Variants in SLC25A28 observed in about 807,000 individuals in gnomAD.
SLC25A28 encodes solute carrier family 25 member 28.
In SLC25A28, 10 loss-of-function variants were observed where a neutral mutation model predicts 31.9. The ratio of observed to expected loss-of-function variants is 0.31; its 90% CI spans 0.19 to 0.53. The LOEUF is 0.53. SLC25A28 is among the 20% of genes least tolerant of loss of function. The pLI, the probability that SLC25A28 is intolerant of heterozygous loss-of-function variation, is 0.95. For synonymous variants in SLC25A28, 208 were observed against 203.6 expected, an observed-to-expected ratio of 1.02 and a Z score of -0.19; for missense variants, 256 against 490.3, an observed-to-expected ratio of 0.52 and a Z score of 4.51.
At chr10:99,618,654 T>G in intron 1 of SLC25A28, 2 of 985,468 alleles carry the variant, frequency 2.0e-6, no homozygotes, top group Non-Finnish European at 2.4e-6. Context: ...AACATTCTAA[T>G]GTCCATTTTA....
At chr10:99,625,313 C>A (rs556443858), upstream of SLC25A28, among the ~76,000 whole-genome samples, 5 of 152,070 alleles carry the variant, frequency 3.3e-5, no homozygotes, top group Admixed American at 3.3e-4. Context: ...CTTATTTGGC[C>A]CTGTTCCCCC....
At chr10:99,616,893 G>GT (rs2034668820) in intron 1 of SLC25A28, 1 of 932,344 alleles carries the variant, frequency 1.1e-6, no homozygotes, top group African/African-American at 1.8e-5. Context: ...ATGAATAAAT[G>GT]TATGTAAGGT....
chr10:99,616,117 A>G, intron 1 of SLC25A28: 1 of 985,446 alleles, frequency 1.0e-6, no homozygotes, highest in Non-Finnish European at 1.2e-6. Context: ...GAAAGATGAA[A>G]TATCTAAGTA....
intron 1 of SLC25A28, chr10:99,615,960 C>G: frequency 1.0e-6 from 1 of 985,392 alleles, no homozygotes; most frequent in Non-Finnish European, 1.2e-6. Context: ...CTACTTTGAA[C>G]ATTCTATATA....
Position 99,613,921 on chromosome 10 carries a change from G to C in SLC25A28, c.295C>G (p.Arg99Gly). The C allele has an allele frequency of 6.3e-7, 1 of 1,598,796 alleles. No homozygotes were observed. The highest frequency in any genetic ancestry group is 1.1e-5 in the South Asian group (1 of 89,754). ...VMYPIDCVKT[R>G]MQSLQPDPAA... ...GGGTCAGGCTGTAGACTCTGCATCC[G>C]GGTCTGAAATTACAGCAAGGAGAAG... The change falls in exon 2 of 4, where the codon CGG becomes GGG. Residue 99 changes from arginine to glycine, a missense_variant. Around this residue, in one of 4 missense-constraint regions of SLC25A28, gnomAD observed 158 missense variants for 379.1 expected, o/e 0.42. Coordinates refer to ENST00000370495, the MANE Select transcript of SLC25A28 (RefSeq NM_031212.4). This position sits in a 1 kb window ranked among gnomAD's most constrained non-coding sequence, Gnocchi z 4.9.
At chr10:99,650,584 G>A in the SLC25A28 span, among the ~76,000 whole-genome samples, 40 of 152,070 alleles carry the variant, frequency 2.6e-4, no homozygotes, top group Admixed American at 9.2e-4. Flanking sequence ...GGTAGGGCAC[G>A]TTCCAGGCAA....
In SLC25A28 at chr10:99,611,484, T is replaced by G; in HGVS notation, c.578-118A>C. 7.8e-7 allele frequency: 1 copy of G among 1,286,888 alleles called. No individual in the cohort carries two copies. Among genetic ancestry groups the G allele is most frequent in the African/African-American group, 1.5e-5 (1 of 67,508 alleles). 79.7% of individuals were successfully genotyped at this position (1,286,888 alleles called of 1,614,324 possible). On this transcript the variant is annotated intron_variant, in intron 3 of 3. Transcript: ENST00000370495. The surrounding 1 kb of genome is among the most constrained non-coding windows in gnomAD (Gnocchi z 5.5). ...CCAATGGAATAGAGAGAGAAAAAAG[T>G]ATGAGTGAGCTGCTGGCTAACCTGA...
In SLC25A28 at chr10:99,620,087, CCCTGCCACGGCG is replaced by C; in HGVS notation, c.237_248del (p.Ala80_Gly83del). 6.3e-7 allele frequency: 1 copy of C among 1,581,508 alleles called. No homozygotes were observed. Among genetic ancestry groups the C allele is most frequent in the Non-Finnish European group, 8.5e-7 (1 of 1,171,116 alleles). ...GGTACATCACGCAGTGCTCCAGGAT[CCCTGCCACGGCG>C]CCTGCCACCATGTGCGTGGTGACAG... On this transcript the variant is annotated inframe_deletion, in exon 1 of 4. Transcript: ENST00000370495.
rs2034571836 is a variant in SLC25A28 at position 99,613,239 on chromosome 10, C to A, written c.520+457G>T. On this transcript the variant is annotated intron_variant, in intron 2 of 3. Coordinates refer to ENST00000370495, the MANE Select transcript of SLC25A28 (RefSeq NM_031212.4). The surrounding 1 kb of genome is among the most constrained non-coding windows in gnomAD (Gnocchi z 4.9). ...TTGTCATGAGGCTTTGTCATGTTCT[C>A]AACACAAACTGCCTCTGGTGAGTTG... Among the ~76,000 whole-genome samples the A allele has an allele frequency of 6.6e-6, 1 of 152,134 alleles. No homozygotes were observed. The highest frequency in any genetic ancestry group is 1.5e-5 in the Non-Finnish European group (1 of 68,030).
At chr10:99,651,425 T>G in the SLC25A28 span, among the ~76,000 whole-genome samples, 1 of 152,106 alleles carries the variant, frequency 6.6e-6, no homozygotes, top group African/African-American at 2.4e-5. Context: ...TGCTTTCTCA[T>G]TATTTAATTT....
the SLC25A28 span, among the ~76,000 whole-genome samples, chr10:99,654,298 G>T: frequency 1.3e-5 from 2 of 152,058 alleles, no homozygotes; most frequent in African/African-American, 4.8e-5. Context: ...CAAATAATAA[G>T]CCCAAGGTAA....
At chr10:99,620,850 C>T, upstream of SLC25A28, 1 of 985,506 alleles carries the variant, frequency 1.0e-6, no homozygotes, top group Non-Finnish European at 1.2e-6. Context: ...CCCTCACTAG[C>T]GCCTGCAGAG....
chr10:99,635,221 T>C, the SLC25A28 span, among the ~76,000 whole-genome samples: 2 of 152,018 alleles, frequency 1.3e-5, no homozygotes, highest in East Asian at 3.9e-4. Flanking sequence ...ACAGGACCTA[T>C]GAAACAAAAA....
chr10:99,654,786 G>A, the SLC25A28 span, among the ~76,000 whole-genome samples: 48 of 152,210 alleles, frequency 3.2e-4, no homozygotes, highest in Non-Finnish European at 3.7e-4. Context: ...CCAGGCTGGA[G>A]TGCGGTGGCT....
the SLC25A28 span, among the ~76,000 whole-genome samples, chr10:99,637,091 C>A: frequency 6.6e-6 from 1 of 152,058 alleles, no homozygotes; most frequent in African/African-American, 2.4e-5. Context: ...GATAATACAC[C>A]ACGAGCAAGT....
the SLC25A28 span, among the ~76,000 whole-genome samples, chr10:99,631,878 A>ATTTT: frequency 0.064 from 5,956 of 92,618 alleles, 1,737 homozygotes; most frequent in Middle Eastern, 0.1. Context: ...TCAGTATGTT[A>ATTTT]TTTTTTTTTT....
chr10:99,642,107 G>T, the SLC25A28 span, among the ~76,000 whole-genome samples: 1 of 151,976 alleles, frequency 6.6e-6, no homozygotes. Context: ...TGTGAAGAAA[G>T]TCGTTGGTAG....
the SLC25A28 span, among the ~76,000 whole-genome samples, chr10:99,642,865 T>C: frequency 0.85 from 129,548 of 151,692 alleles, 55,420 homozygotes; most frequent in Middle Eastern, 0.92. Context: ...TGCTGGATTA[T>C]GTTTATTAAT....
At chr10:99,615,914 C>T (rs533923255) in intron 1 of SLC25A28, 2 of 985,426 alleles carry the variant, frequency 2.0e-6, no homozygotes, top group East Asian at 1.1e-4. Context: ...AGGCCTGGAA[C>T]TCCTCACCCC....
Sources: gnomAD v4.1 joint callset for allele counts (sites outside exome capture counted in the v4.1 genomes callset) on GRCh38, gnomAD v4.1.1 for gene constraint, gnomAD v4.1.1 regional missense constraint, Gnocchi (gnomAD v3.1) non-coding constraint, MANE v1.5 for transcripts, NCBI Gene and HGNC (gene_info 2026-07-23, HGNC 2026-07-21) for gene names.